Variants in CRADD observed in about 807,000 individuals in gnomAD.
CRADD encodes the protein death domain-containing protein CRADD.
A neutral mutation model predicts 15.5 loss-of-function variants in CRADD; 9 were observed. The ratio of observed to expected loss-of-function variants is 0.58; its 90% CI spans 0.35 to 1.01. The LOEUF (loss-of-function observed/expected upper bound fraction) is 1.01. CRADD is among the 50% of genes least tolerant of loss of function. The pLI is 0.02. For synonymous variants in CRADD, 118 were observed against 107.6 expected (o/e 1.10, Z -0.60); for missense variants, 227 against 250.3 (o/e 0.91, Z 0.63).
chr12:93,774,581 G>A (rs960384506), intron 2 of CRADD, among the ~76,000 whole-genome samples: 1 of 152,162 alleles, frequency 6.6e-6, no homozygotes, highest in Non-Finnish European at 1.5e-5. Context: ...GGTTAAGGAT[G>A]TTATTCTGAT....
chr12:93,842,366 A>T (rs541407662), intron 2 of CRADD, among the ~76,000 whole-genome samples: 1 of 152,354 alleles, frequency 6.6e-6, no homozygotes, highest in African/African-American at 2.4e-5. Flanking sequence ...GTTAGAAGAC[A>T]TGGCTTTTTT....
chr12:93,690,809 C>T (rs1359078475), intron 2 of CRADD, among the ~76,000 whole-genome samples: 1 of 152,166 alleles, frequency 6.6e-6, no homozygotes, highest in Non-Finnish European at 1.5e-5. Flanking sequence ...GTTCTTAGAT[C>T]TGATTGGAGT....
chr12:93,689,843 C>A (rs1325154899), intron 2 of CRADD, among the ~76,000 whole-genome samples: 2 of 152,098 alleles, frequency 1.3e-5, no homozygotes, highest in Non-Finnish European at 2.9e-5. Flanking sequence ...AATTATAGAT[C>A]AAGTAGAGCG....
At chr12:93,794,624 A>G (rs758606690) in intron 2 of CRADD, among the ~76,000 whole-genome samples, 1 of 152,058 alleles carries the variant, frequency 6.6e-6, no homozygotes, top group African/African-American at 2.4e-5. Context: ...GGACTTCCAT[A>G]TCACCTCCTA....
intron 2 of CRADD, among the ~76,000 whole-genome samples, chr12:93,803,861 A>G (rs1363338187): frequency 1.3e-5 from 2 of 152,134 alleles, no homozygotes; most frequent in African/African-American, 4.8e-5. Flanking sequence ...CAACCTAATC[A>G]CAAGAAAACA....
chr12:93,825,230 CAA>C (rs1330459723), intron 2 of CRADD, among the ~76,000 whole-genome samples: 2 of 152,194 alleles, frequency 1.3e-5, no homozygotes, highest in Non-Finnish European at 2.9e-5. Context: ...CTTTCTCACT[CAA>C]GAGATTTGTC....
At chr12:93,803,881 G>A (rs1417531522) in intron 2 of CRADD, among the ~76,000 whole-genome samples, 1 of 152,108 alleles carries the variant, frequency 6.6e-6, no homozygotes, top group African/African-American at 2.4e-5. Context: ...ATTGGAAAAG[G>A]GAGGAAAAGA....
chr12:93,843,272 A>T (rs1010945046), intron 2 of CRADD, among the ~76,000 whole-genome samples: 1 of 152,124 alleles, frequency 6.6e-6, no homozygotes, highest in African/African-American at 2.4e-5. Flanking sequence ...GTGGAGAAAT[A>T]ATGCACTTCC....
intron 2 of CRADD, among the ~76,000 whole-genome samples, chr12:93,880,444 A>C (rs748244481): frequency 2.6e-5 from 4 of 152,058 alleles, no homozygotes; most frequent in Non-Finnish European, 5.9e-5. Flanking sequence ...TTGGCGGGAG[A>C]AATCAGAGTC....
chr12:93,689,006 T>C (rs1441847835), intron 2 of CRADD, among the ~76,000 whole-genome samples: 1 of 152,066 alleles, frequency 6.6e-6, no homozygotes, highest in Non-Finnish European at 1.5e-5. Flanking sequence ...ACTTTTTTGG[T>C]TGGGGGAAGG....
chr12:93,687,111 G>T (rs564648194), intron 2 of CRADD, among the ~76,000 whole-genome samples: 1 of 152,106 alleles, frequency 6.6e-6, no homozygotes, highest in South Asian at 2.1e-4. Context: ...AAGGAAAAGC[G>T]GAAGACTTTC....
At chr12:93,857,996 C>T (rs1958289100) in intron 2 of CRADD, among the ~76,000 whole-genome samples, 1 of 152,240 alleles carries the variant, frequency 6.6e-6, no homozygotes, top group African/African-American at 2.4e-5. Flanking sequence ...AAGTTTCTGT[C>T]AGCCTCTGGA....
At chr12:93,696,651 A>G (rs897616561) in intron 2 of CRADD, among the ~76,000 whole-genome samples, 10 of 152,038 alleles carry the variant, frequency 6.6e-5, no homozygotes, top group African/African-American at 2.4e-4. Flanking sequence ...AGTTCAAGAG[A>G]TCTATTGTGC....
At chr12:93,753,980 C>G (rs1956860008) in intron 2 of CRADD, among the ~76,000 whole-genome samples, 1 of 152,262 alleles carries the variant, frequency 6.6e-6, no homozygotes, top group South Asian at 2.1e-4. Flanking sequence ...TCTGCACTGT[C>G]CTAGCATAGG....
rs558609267 is a variant in CRADD at position 93,739,809 on chromosome 12, A to G, written c.298+60737A>G. The stretch of plus-strand genomic sequence containing the variant: ...TACTTTTAAATTAATGCAAACATCA[A>G]TATTTTATAGGGAGAACATTAATAA... On this transcript the variant is annotated intron_variant, in intron 2 of 2. Transcript: ENST00000332896. Among the ~76,000 whole-genome samples, 14 of 152,316 alleles carry G rather than the reference A, an allele frequency of 9.2e-5. No individual in the cohort carries two copies. The East Asian group carries it at 2.3e-3, about 25-fold the overall frequency.
chr12:93,738,524 C>T, intron 2 of CRADD: 1 of 699,694 alleles, frequency 1.4e-6, no homozygotes, highest in South Asian at 1.5e-5. Context: ...AAAGCAAATC[C>T]TTCTCTTGGA....
chr12:93,778,975 C>T (rs1957170251), intron 2 of CRADD, among the ~76,000 whole-genome samples: 1 of 152,196 alleles, frequency 6.6e-6, no homozygotes, highest in Admixed American at 6.5e-5. Flanking sequence ...AACTTCAAAA[C>T]ACAGCCTGTT....
chr12:93,842,231 C>G (rs1958057608), intron 2 of CRADD, among the ~76,000 whole-genome samples: 1 of 152,158 alleles, frequency 6.6e-6, no homozygotes, highest in African/African-American at 2.4e-5. Context: ...AAGGTGAAAA[C>G]AGGAGGTTGA....
intron 2 of CRADD, among the ~76,000 whole-genome samples, chr12:93,742,905 GC>G (rs1956698776): frequency 6.6e-6 from 1 of 152,248 alleles, no homozygotes; most frequent in Admixed American, 6.5e-5. Flanking sequence ...GGGTCAGGCT[GC>G]CCTCCCATTC....
Sources: allele counts gnomAD v4.1 joint callset (sites outside exome capture counted in the v4.1 genomes callset), GRCh38; gene constraint gnomAD v4.1.1; transcripts MANE v1.5; gene names NCBI Gene and HGNC (gene_info 2026-07-23, HGNC 2026-07-21).